TMED7: variants seen among roughly 807,000 people sequenced by gnomAD.
The protein encoded by TMED7 is transmembrane p24 trafficking protein 7, also known as transmembrane emp24 domain-containing protein 7.
A neutral mutation model predicts 23.4 loss-of-function variants in TMED7; 8 were observed. The ratio of observed to expected loss-of-function variants is 0.34; its 90% CI spans 0.20 to 0.62. TMED7 has a LOEUF of 0.62. Among genes scored for constraint, TMED7 ranks in the 20% least tolerant of loss-of-function variants. The pLI is 0.77. For synonymous variants in TMED7, 121 were observed against 108.5 expected (o/e 1.12, Z -0.72); for missense variants, 232 against 279.1 (o/e 0.83, Z 1.20).
At chr5:115,622,482 G>C (rs1218708578) in intron 1 of TMED7, among the ~76,000 whole-genome samples, 2 of 151,988 alleles carry the variant, frequency 1.3e-5, no homozygotes, top group African/African-American at 4.8e-5. Flanking sequence ...TCGAACTCAG[G>C]GTTTCTCAAC....
intron 1 of TMED7, among the ~76,000 whole-genome samples, chr5:115,624,760 TC>T (rs1329631727): frequency 4.6e-5 from 7 of 152,312 alleles, no homozygotes; most frequent in Non-Finnish European, 8.8e-5. Context: ...TTATAGCTCA[TC>T]CTTTAAAGTT....
At position 115,615,003 on chromosome 5, in the gene TMED7, TG is replaced by T. The variant is rs200948282; in HGVS notation, c.*1205del. The T allele has an allele frequency of 6.6e-6, 1 of 152,042 alleles. No homozygotes were observed. The highest frequency in any genetic ancestry group is 1.5e-5 in the Non-Finnish European group (1 of 67,956). The allele number at this position is 152,042 out of a possible 1,614,324, so 9.4% of individuals were successfully genotyped here. A position where few individuals can be genotyped will look rare whatever the true frequency, so the allele number is the denominator to read the frequency against. On this transcript the variant is annotated 3_prime_UTR_variant, in exon 3 of 3. Transcript: ENST00000456936. ...ATCTTGTATTCTATCAGATAATACTTGGAACAAAATCTTATTTCAATCAGCT... is the reference window on the plus strand; with the variant it reads ...ATCTTGTATTCTATCAGATAATACTTGAACAAAATCTTATTTCAATCAGCT...
chr5:115,625,336 A>G (rs544689252), intron 1 of TMED7, among the ~76,000 whole-genome samples: 1 of 152,344 alleles, frequency 6.6e-6, no homozygotes, highest in East Asian at 1.9e-4. Context: ...TTTAAGGAAG[A>G]AAGTTCAATA....
rs78821571 is a variant in TMED7 at position 115,614,069 on chromosome 5, A to T, written c.*2140T>A. 27 of 152,334 alleles carry T rather than the reference A, an allele frequency of 1.8e-4. No individual in the cohort carries two copies. Among genetic ancestry groups the T allele is most frequent in the Non-Finnish European group, 3.5e-4 (24 of 67,936 alleles). The allele number at this position is 152,334 out of a possible 1,614,324, so 9.4% of individuals were successfully genotyped here. A position where few individuals can be genotyped will look rare whatever the true frequency, so the allele number is the denominator to read the frequency against. ...AAGGAAAAATGATGAGCTACAAATT[A>T]TGTAGTTGGAGGAAGAAAAAAATGT... On this transcript the variant is annotated 3_prime_UTR_variant, in exon 3 of 3. Coordinates refer to ENST00000456936, the MANE Select transcript of TMED7 (RefSeq NM_181836.6).
intron 1 of TMED7, among the ~76,000 whole-genome samples, chr5:115,622,595 T>C (rs939181678): frequency 3.3e-5 from 5 of 152,182 alleles, no homozygotes; most frequent in African/African-American, 7.2e-5. Flanking sequence ...CTCTAACTAC[T>C]AGATGCAGGT....
intron 1 of TMED7, among the ~76,000 whole-genome samples, chr5:115,621,930 A>C (rs758025528): frequency 8.5e-5 from 13 of 152,214 alleles, no homozygotes; most frequent in Non-Finnish European, 1.3e-4. Context: ...CACTTGAGAG[A>C]AGATGACTAA....
intron 1 of TMED7, among the ~76,000 whole-genome samples, chr5:115,622,185 C>T (rs189642304): frequency 2.0e-5 from 3 of 152,160 alleles, no homozygotes; most frequent in Non-Finnish European, 4.4e-5. Context: ...TAATCAAACA[C>T]ATACATACAA....
intron 1 of TMED7, among the ~76,000 whole-genome samples, chr5:115,621,777 T>C (rs767666985): frequency 2.0e-5 from 3 of 152,056 alleles, no homozygotes; most frequent in Non-Finnish European, 4.4e-5. Flanking sequence ...CGTATACACA[T>C]TGGGTTGAAT....
rs1363983130 is a variant in TMED7 at position 115,625,840 on chromosome 5, A to C, written c.-48T>G. ...CAACCGAGCTGCGAGACGCAGGGTC[A>C]GGTCTGCGCGGACTCACCGCGCGCG... On this transcript the variant is annotated 5_prime_UTR_variant, in exon 1 of 3. Transcript: ENST00000456936. 1 of 1,356,856 alleles carries C rather than the reference A, an allele frequency of 7.4e-7. No individual in the cohort carries two copies. Among genetic ancestry groups the C allele is most frequent in the East Asian group, 3.1e-5 (1 of 32,542 alleles). The allele number at this position is 1,356,856 out of a possible 1,614,324, so 84.1% of individuals were successfully genotyped here.
intron 1 of TMED7, 84 bp downstream of exon 1, chr5:115,625,517 G>C: frequency 2.2e-6 from 3 of 1,353,266 alleles, no homozygotes; most frequent in Non-Finnish European, 2.9e-6. Context: ...GGGGAAACAC[G>C]GACAGGAAAG....
In TMED7 at chr5:115,615,872, A is replaced by G. The variant is rs1417459226; in HGVS notation, c.*337T>C. On this transcript the variant is annotated 3_prime_UTR_variant, in exon 3 of 3. Coordinates refer to ENST00000456936, the MANE Select transcript of TMED7 (RefSeq NM_181836.6). ...TAAATCTAAAGTTTTTAAAATATCA[A>G]CTACCTATAAGAAAAGTAGTCTTAA... 7.4e-6 allele frequency: 2 copies of G among 270,784 alleles called. No homozygotes were observed. The highest frequency in any genetic ancestry group is 1.4e-5 in the Non-Finnish European group (2 of 140,728). 16.8% of individuals were successfully genotyped at this position (270,784 alleles called of 1,614,324 possible). A position where few individuals can be genotyped will look rare whatever the true frequency, so the allele number is the denominator to read the frequency against.
chr5:115,625,521 A>G, intron 1 of TMED7, 80 bp downstream of exon 1: 1 of 1,361,816 alleles, frequency 7.3e-7, no homozygotes, highest in Non-Finnish European at 9.6e-7. Flanking sequence ...AAACACGGAC[A>G]GGAAAGTGCC....
At position 115,616,224 on chromosome 5, in the gene TMED7, A is replaced by T; in HGVS notation, c.660T>A (p.Thr220=). The T allele has an allele frequency of 6.2e-7, 1 of 1,614,112 alleles. No homozygotes were observed. Among genetic ancestry groups the T allele is most frequent in the Non-Finnish European group, 8.5e-7 (1 of 1,179,952 alleles). The change falls in exon 3 of 3, where the codon ACT becomes ACA. Residue 220 remains threonine (T), a synonymous_variant. Coordinates refer to ENST00000456936, the MANE Select transcript of TMED7 (RefSeq NM_181836.6). The part of the protein sequence containing the change: ...SFFSDKRTTT[T]RVGS Reference sequence around the variant, plus strand: ...CAAAACGTAGTTATGATCCAACACGAGTTGTGGTGGTTCTTTTATCTGAGA... The same window carrying T: ...CAAAACGTAGTTATGATCCAACACGTGTTGTGGTGGTTCTTTTATCTGAGA...
intron 1 of TMED7, among the ~76,000 whole-genome samples, chr5:115,623,919 G>C (rs997882829): frequency 6.6e-6 from 1 of 152,160 alleles, no homozygotes; most frequent in African/African-American, 2.4e-5. Context: ...ATTTAACTTG[G>C]GACTGCGTTA....
rs1208948266 is a variant in TMED7 at position 115,613,766 on chromosome 5, T to C, written c.*2443A>G. ...TTTTCAGTCCACTGTATTTTCAAAA[T>C]TGATTATCACCAAGCTTGGATGAAA... On this transcript the variant is annotated 3_prime_UTR_variant, in exon 3 of 3. Transcript: ENST00000456936. 1.3e-5 allele frequency: 2 copies of C among 152,576 alleles called. No individual in the cohort carries two copies. Among genetic ancestry groups the C allele is most frequent in the South Asian group, 2.1e-4 (1 of 4,828 alleles). The allele number at this position is 152,576 out of a possible 1,614,324, so 9.5% of individuals were successfully genotyped here. A position where few individuals can be genotyped will look rare whatever the true frequency, so the allele number is the denominator to read the frequency against.
rs999029362 is a variant in TMED7 at position 115,613,840 on chromosome 5, A to G, written c.*2369T>C. On this transcript the variant is annotated 3_prime_UTR_variant, in exon 3 of 3. Transcript: ENST00000456936. Reference sequence around the variant, plus strand: ...TTATTTAATAGAAAAAAGAATGTGTAGATTATTAGCAAAGTAATGCCTTAA... The same window carrying G: ...TTATTTAATAGAAAAAAGAATGTGTGGATTATTAGCAAAGTAATGCCTTAA... 2 of 152,608 alleles carry G rather than the reference A, an allele frequency of 1.3e-5. No individual in the cohort carries two copies. Among genetic ancestry groups the G allele is most frequent in the Non-Finnish European group, 2.9e-5 (2 of 67,978 alleles). The allele number at this position is 152,608 out of a possible 1,614,324, so 9.5% of individuals were successfully genotyped here. A position where few individuals can be genotyped will look rare whatever the true frequency, so the allele number is the denominator to read the frequency against.
intron 1 of TMED7, among the ~76,000 whole-genome samples, chr5:115,623,446 A>G (rs1452204525): frequency 6.6e-6 from 1 of 152,222 alleles, no homozygotes; most frequent in Non-Finnish European, 1.5e-5. Context: ...TAATGTTGAC[A>G]AACTGGTACA....
At position 115,616,019 on chromosome 5, in the gene TMED7, GT is replaced by G; in HGVS notation, c.*189del. The G allele has an allele frequency of 1.6e-6, 1 of 629,526 alleles. No homozygotes were observed. Among genetic ancestry groups the G allele is most frequent in the Non-Finnish European group, 2.7e-6 (1 of 364,178 alleles). 39.0% of individuals were successfully genotyped at this position (629,526 alleles called of 1,614,324 possible). On this transcript the variant is annotated 3_prime_UTR_variant, in exon 3 of 3. Transcript: ENST00000456936. Reference sequence around the variant, plus strand: ...TGAATAGCCCAAAATGAGTTCCAAAGTTTTTCCACCTTTACAAATAAAAAAA... The same window carrying G: ...TGAATAGCCCAAAATGAGTTCCAAAGTTTTCCACCTTTACAAATAAAAAAA...
chr5:115,616,676 C>T, intron 2 of TMED7: 1 of 586,180 alleles, frequency 1.7e-6, no homozygotes, highest in East Asian at 3.2e-5. Context: ...TTTTCCCCAA[C>T]TGAGATGTCA....
Sources: allele counts gnomAD v4.1 joint callset (sites outside exome capture counted in the v4.1 genomes callset), GRCh38; gene constraint gnomAD v4.1.1; transcripts MANE v1.5; gene names NCBI Gene and HGNC (gene_info 2026-07-23, HGNC 2026-07-21).